KPNA6: variants seen among roughly 807,000 people sequenced by gnomAD.
The protein encoded by KPNA6 is karyopherin subunit alpha 6.
A neutral mutation model predicts 72.0 loss-of-function variants in KPNA6; 9 were observed. The ratio of observed to expected loss-of-function variants is 0.13; its 90% confidence interval spans 0.08 to 0.22. The LOEUF (loss-of-function observed/expected upper bound fraction) is 0.22. KPNA6 is among the 10% of genes least tolerant of loss of function. The pLI is 1.00. For synonymous variants in KPNA6, 219 were observed against 242.1 expected (o/e 0.90, Z 0.89); for missense variants, 374 against 655.7 (o/e 0.57, Z 4.69).
intron 1 of KPNA6, among the ~76,000 whole-genome samples, chr1:32,119,009 T>C (rs1422178316): frequency 1.1e-3 from 73 of 66,576 alleles, no homozygotes; most frequent in South Asian, 3.1e-3. Flanking sequence ...TATATATATA[T>C]ATATATATAT....
chr1:32,124,329 C>T (rs1202541619), intron 1 of KPNA6, among the ~76,000 whole-genome samples: 1 of 151,118 alleles, frequency 6.6e-6, no homozygotes, highest in Non-Finnish European at 1.5e-5. Context: ...GCCAATATCA[C>T]ACCACTGCAC....
At position 32,171,182 on chromosome 1, in the gene KPNA6, C is replaced by G. The variant is rs1642430568; in HGVS notation, c.*288C>G. Reference sequence around the variant, plus strand: ...CACACATGTCTTTAACCCAGGAGCCCAGGGGTAGACAAAGGAGGACTAAGG... The same window carrying G: ...CACACATGTCTTTAACCCAGGAGCCGAGGGGTAGACAAAGGAGGACTAAGG... On this transcript the variant is annotated 3_prime_UTR_variant, in exon 14 of 14. Coordinates refer to ENST00000373625, the MANE Select transcript of KPNA6 (RefSeq NM_012316.5). 2.6e-6 allele frequency: 1 copy of G among 378,556 alleles called. No homozygotes were observed. The highest frequency in any genetic ancestry group is 4.8e-6 in the Non-Finnish European group (1 of 209,046). 23.4% of individuals were successfully genotyped at this position (378,556 alleles called of 1,614,324 possible).
In KPNA6 at chr1:32,173,379, T is replaced by C. The variant is rs1642472518; in HGVS notation, c.*2485T>C. ...CTACTTTGGCTTCAGCTCCGGGTCCTGTACCAGATGGAAAATGTTTTTGGT... is the reference window on the plus strand; with the variant it reads ...CTACTTTGGCTTCAGCTCCGGGTCCCGTACCAGATGGAAAATGTTTTTGGT... On this transcript the variant is annotated 3_prime_UTR_variant, in exon 14 of 14. Transcript: ENST00000373625. 3.0e-6 allele frequency: 1 copy of C among 336,124 alleles called. No individual in the cohort carries two copies. The highest frequency in any genetic ancestry group is 5.3e-6 in the Non-Finnish European group (1 of 187,624). The allele number at this position is 336,124 out of a possible 1,614,324, so 20.8% of individuals were successfully genotyped here. A position where few individuals can be genotyped will look rare whatever the true frequency, so the allele number is the denominator to read the frequency against.
At chr1:32,123,025 T>C (rs1463311299) in intron 1 of KPNA6, among the ~76,000 whole-genome samples, 1 of 151,244 alleles carries the variant, frequency 6.6e-6, no homozygotes, top group Non-Finnish European at 1.5e-5. Context: ...TCTTATAATG[T>C]CTAGGCAAGA....
At chr1:32,146,168 G>A (rs1367841077) in intron 1 of KPNA6, among the ~76,000 whole-genome samples, 1 of 152,172 alleles carries the variant, frequency 6.6e-6, no homozygotes, top group Non-Finnish European at 1.5e-5. Flanking sequence ...CTGTCTAGGT[G>A]TTCTGTTCAT....
chr1:32,119,617 C>T (rs1197952378), intron 1 of KPNA6, among the ~76,000 whole-genome samples: 3 of 152,136 alleles, frequency 2.0e-5, no homozygotes, highest in South Asian at 4.1e-4. Context: ...GTTAGATGAA[C>T]GGGACAACCC....
At chr1:32,141,725 A>G (rs559340505) in intron 1 of KPNA6, among the ~76,000 whole-genome samples, 1 of 151,878 alleles carries the variant, frequency 6.6e-6, no homozygotes, top group Non-Finnish European at 1.5e-5. Flanking sequence ...CTTTCTTATT[A>G]CAGGCGTGTC....
intron 1 of KPNA6, among the ~76,000 whole-genome samples, chr1:32,143,593 A>G (rs1438500839): frequency 1.3e-5 from 2 of 148,600 alleles, no homozygotes; most frequent in East Asian, 1.9e-4. Flanking sequence ...AAAAGAAAAG[A>G]AAAAAAAATT....
At position 32,138,836 on chromosome 1, in the gene KPNA6, A is replaced by G. The variant is rs1015693207; in HGVS notation, c.5-15752A>G. On this transcript the variant is annotated intron_variant, in intron 1 of 13. Transcript: ENST00000373625. ...GAATGCAATGACTACTGAGTGGGTC[A>G]CTGGATTTAACAGTCTAAACTGGCT... Among the ~76,000 whole-genome samples the G allele has an allele frequency of 5.9e-5, 9 of 152,288 alleles. No individual in the cohort carries two copies. The East Asian group carries it at 1.4e-3, about 23-fold the overall frequency.
intron 1 of KPNA6, among the ~76,000 whole-genome samples, chr1:32,144,594 CT>C (rs1308034032): frequency 1.3e-5 from 2 of 152,060 alleles, no homozygotes; most frequent in Non-Finnish European, 2.9e-5. Flanking sequence ...CCAGCGTGTG[CT>C]TTTATTATTC....
chr1:32,157,296 T>C, intron 3 of KPNA6, 50 bp from the exon 4 acceptor site: 1 of 1,405,858 alleles, frequency 7.1e-7, no homozygotes, highest in Non-Finnish European at 1.0e-6. Flanking sequence ...TGTGCTCACA[T>C]CTGGCTCTAA....
chr1:32,169,827 C>T (rs1642405617), intron 12 of KPNA6, 55 bp from the exon 13 acceptor site: 6 of 1,506,012 alleles, frequency 4.0e-6, no homozygotes, highest in African/African-American at 1.4e-5. Context: ...AGCACCTGCC[C>T]AGCACTTCAT....
intron 1 of KPNA6, among the ~76,000 whole-genome samples, chr1:32,122,961 A>G (rs1215530016): frequency 2.6e-5 from 4 of 151,408 alleles, no homozygotes; most frequent in African/African-American, 7.3e-5. Context: ...CCATCTCAAA[A>G]AAAAAAAAAA....
intron 1 of KPNA6, among the ~76,000 whole-genome samples, chr1:32,110,639 C>T (rs1641230563): frequency 6.6e-6 from 1 of 152,130 alleles, no homozygotes; most frequent in Non-Finnish European, 1.5e-5. Context: ...GGCAAGGTGG[C>T]TCAGGCCTAT....
At chr1:32,166,023 A>G in intron 10 of KPNA6, 82 bp from the exon 11 acceptor site, 29 of 1,464,138 alleles carry the variant, frequency 2.0e-5, no homozygotes, top group Non-Finnish European at 2.6e-5. Flanking sequence ...AACAACAACA[A>G]CAACAACAAC....
rs550778988 is a variant in KPNA6, at chr1:32,131,281, G to A, written c.4+23147G>A. ...TGCACTCCCGCTGGGCGACAAGAGCGAAACTTCATCTCAAAAAGAAGAAAT... is the reference window on the plus strand; with the variant it reads ...TGCACTCCCGCTGGGCGACAAGAGCAAAACTTCATCTCAAAAAGAAGAAAT... On this transcript the variant is annotated intron_variant, in intron 1 of 13. Transcript: ENST00000373625. Among the ~76,000 whole-genome samples, 6 of 152,226 alleles carry A rather than the reference G, an allele frequency of 3.9e-5. 1 individual carries two copies. In the South Asian group the frequency reaches 6.2e-4, roughly 16 times the overall value.
chr1:32,160,037 G>T (rs557866560), intron 6 of KPNA6, among the ~76,000 whole-genome samples: 3 of 152,276 alleles, frequency 2.0e-5, no homozygotes, highest in East Asian at 1.9e-4. Flanking sequence ...GGTGGCTCAC[G>T]CCTATAATCC....
chr1:32,163,408 G>GTCCTGA, intron 10 of KPNA6, 95 bp downstream of exon 10: 1 of 843,838 alleles, frequency 1.2e-6, no homozygotes, highest in East Asian at 2.7e-5. Context: ...AAGGGCTGTG[G>GTCCTGA]TCCTGATGGG....
intron 1 of KPNA6, chr1:32,142,841 A>G (rs1641862470): frequency 2.6e-6 from 2 of 768,966 alleles, no homozygotes; most frequent in Non-Finnish European, 3.6e-6. Flanking sequence ...CCTCCTTCCA[A>G]TCTAACCTCC....
Sources: gnomAD v4.1 joint callset for allele counts (sites outside exome capture counted in the v4.1 genomes callset) on GRCh38, gnomAD v4.1.1 for gene constraint, MANE v1.5 for transcripts, NCBI Gene and HGNC (gene_info 2026-07-23, HGNC 2026-07-21) for gene names.